Variants in RNF19A observed in about 807,000 individuals in gnomAD.
RNF19A encodes the protein E3 ubiquitin-protein ligase RNF19A.
RNF19A carries 32 observed loss-of-function variants against 75.7 expected under a neutral mutation model. The ratio of observed to expected loss-of-function variants is 0.42; its 90% CI spans 0.32 to 0.57. RNF19A has a LOEUF of 0.57. Among genes scored for constraint, RNF19A ranks in the 20% least tolerant of loss-of-function variants. RNF19A has a pLI of 0.10. For synonymous variants in RNF19A, 335 were observed against 345.2 expected, an observed-to-expected ratio of 0.97 and a Z score of 0.33; for missense variants, 782 against 1,036.3, an observed-to-expected ratio of 0.75 and a Z score of 3.37.
intron 1 of RNF19A, among the ~76,000 whole-genome samples, chr8:100,315,748 A>G (rs1197060192): frequency 6.6e-6 from 1 of 152,052 alleles, no homozygotes; most frequent in Non-Finnish European, 1.5e-5. Context: ...GACTCAAGCG[A>G]TCCTCCCACC....
At chr8:100,293,155 G>A (rs996801555) in intron 1 of RNF19A, among the ~76,000 whole-genome samples, 4 of 152,222 alleles carry the variant, frequency 2.6e-5, no homozygotes, top group East Asian at 1.9e-4. Flanking sequence ...CTCCTGCTGC[G>A]TGGCCCAGTT....
chr8:100,293,023 C>T lies in RNF19A; in HGVS notation c.-93-4756G>A, dbSNP rs182966854. On this transcript the variant is annotated intron_variant, in intron 1 of 9. Coordinates refer to ENST00000341084, the MANE Select transcript of RNF19A (RefSeq NM_183419.4). The stretch of plus-strand genomic sequence containing the variant: ...GGATGGTTTCATCAGGCATTATATT[C>T]TCATATGGAGTGTGCCATCTAGATC... 1.3e-3 allele frequency among the ~76,000 whole-genome samples: 202 copies of T among 152,278 alleles called. 1 individual carries two copies. The highest frequency in any genetic ancestry group is 4.6e-3 in the African/African-American group (191 of 41,570).
intron 2 of RNF19A, among the ~76,000 whole-genome samples, chr8:100,279,957 G>A (rs1226872370): frequency 2.6e-5 from 4 of 152,092 alleles, no homozygotes; most frequent in African/African-American, 9.7e-5. Context: ...ACCACTCCTG[G>A]CTTCATTTCT....
intron 1 of RNF19A, among the ~76,000 whole-genome samples, chr8:100,301,953 C>A (rs1821850699): frequency 6.6e-6 from 1 of 152,078 alleles, no homozygotes; most frequent in African/African-American, 2.4e-5. Flanking sequence ...GCATCCAAGG[C>A]ACAGAACAGC....
At position 100,287,041 on chromosome 8, in the gene RNF19A, G is replaced by C. The variant is rs1180682470; in HGVS notation, c.674+460C>G. ...ATCAACATGAACACATCATACTGTG[G>C]CACATGCTAAGGTAGGTACCTTTCA... is the stretch of plus-strand genomic sequence containing the variant. On this transcript the variant is annotated intron_variant, in intron 2 of 9. Transcript: ENST00000341084. The surrounding 1 kb of genome is among the most constrained non-coding windows in gnomAD (Gnocchi z 4.1). Among the ~76,000 whole-genome samples the C allele has an allele frequency of 1.3e-5, 2 of 152,000 alleles. No individual in the cohort carries two copies. Among genetic ancestry groups the C allele is most frequent in the Non-Finnish European group, 2.9e-5 (2 of 68,012 alleles).
chr8:100,291,616 G>C (rs1821299228), intron 1 of RNF19A, among the ~76,000 whole-genome samples: 1 of 152,174 alleles, frequency 6.6e-6, no homozygotes, highest in Non-Finnish European at 1.5e-5. Flanking sequence ...CATTAGAAAG[G>C]TATTCTGGAA....
intron 1 of RNF19A, among the ~76,000 whole-genome samples, chr8:100,308,331 G>T (rs1401193670): frequency 1.3e-5 from 2 of 152,074 alleles, no homozygotes; most frequent in Non-Finnish European, 2.9e-5. Context: ...TTTTAAAAGT[G>T]TTTTTTTAGC....
At chr8:100,308,167 A>C (rs548273187) in intron 1 of RNF19A, among the ~76,000 whole-genome samples, 3 of 152,212 alleles carry the variant, frequency 2.0e-5, no homozygotes, top group Non-Finnish European at 4.4e-5. Flanking sequence ...AAAAAAATAC[A>C]CTAACATTAG....
chr8:100,326,302 T>C (rs1318734636), intron 1 of RNF19A, among the ~76,000 whole-genome samples: 1 of 152,132 alleles, frequency 6.6e-6, no homozygotes, highest in Non-Finnish European at 1.5e-5. Context: ...CTAACCTCAG[T>C]TTAGCAACCT....
Position 100,258,957 on chromosome 8 carries a change from T to C in RNF19A, c.2116A>G (p.Ser706Gly), listed in dbSNP as rs151226712. The change falls in exon 10 of 10, where the codon AGT becomes GGT. Residue 706 changes from serine to glycine, a missense_variant. Ser to Gly is a moderately conservative substitution (Grantham distance 56). This residue lies in a region of RNF19A where 442 missense variants were observed against 541.6 expected (regional missense o/e 0.82). Transcript: ENST00000341084. This position sits in a 1 kb window ranked among gnomAD's most constrained non-coding sequence, Gnocchi z 4.3. The part of the protein sequence containing the change: ...QLLEQQSTNS[S>G]EFEAPSLSDS... ...CTGAGGGATGGAGCCTCAAATTCAC[T>C]TGAGTTCGTGCTTTGTTGTTCTAAC... is the stretch of plus-strand genomic sequence containing the variant. The C allele has an allele frequency of 1.5e-5, 25 of 1,614,248 alleles. No homozygotes were observed. In the East Asian group the frequency reaches 4.0e-4, roughly 26 times the overall value.
At chr8:100,290,644 A>G (rs2129981134) in intron 1 of RNF19A, among the ~76,000 whole-genome samples, 1 of 152,352 alleles carries the variant, frequency 6.6e-6, no homozygotes, top group Admixed American at 6.5e-5. Flanking sequence ...ACAGTCAGAG[A>G]GCTCAATCTA....
In RNF19A at chr8:100,259,167, C is replaced by T. The variant is rs770359833; in HGVS notation, c.1906G>A (p.Val636Met). The change falls in exon 10 of 10, where the codon GTG becomes ATG. Residue 636 changes from valine (V) to methionine (M), a missense_variant. Coordinates refer to ENST00000341084, the MANE Select transcript of RNF19A (RefSeq NM_183419.4). The surrounding 1 kb of genome is among the most constrained non-coding windows in gnomAD (Gnocchi z 4.5). ...KFRHNSGSSS[V>M]DDGSATRSHA... ...CTTCGGGTGGCACTGCCATCATCCA[C>T]ACTACTGCTTCCACTGTTGTGCCTG... 28 of 1,614,064 alleles carry T rather than the reference C, an allele frequency of 1.7e-5. No individual in the cohort carries two copies. The East Asian group carries it at 4.7e-4, about 27-fold the overall frequency.
chr8:100,279,790 G>A (rs1477356707), intron 2 of RNF19A, among the ~76,000 whole-genome samples: 1 of 151,980 alleles, frequency 6.6e-6, no homozygotes, highest in Non-Finnish European at 1.5e-5. Context: ...GCCTCCCAAA[G>A]TGCTGGAATT....
At chr8:100,267,783 T>C (rs937162725) in intron 5 of RNF19A, among the ~76,000 whole-genome samples, 6 of 151,990 alleles carry the variant, frequency 3.9e-5, no homozygotes, top group African/African-American at 1.4e-4. Context: ...TTCAAGTGAT[T>C]CTCCTGCTTC....
At chr8:100,310,216 C>T (rs1478216740), upstream of RNF19A, 2 of 985,146 alleles carry the variant, frequency 2.0e-6, no homozygotes, top group Admixed American at 1.2e-4. Flanking sequence ...GCGTCACGCC[C>T]ACCGGGCCCG....
chr8:100,264,615 C>G lies in RNF19A; in HGVS notation c.1306+56G>C. 6.0e-6 allele frequency: 7 copies of G among 1,171,068 alleles called. No homozygotes were observed. Among genetic ancestry groups the G allele is most frequent in the Non-Finnish European group, 8.7e-6 (7 of 805,232 alleles). The allele number at this position is 1,171,068 out of a possible 1,614,324, so 72.5% of individuals were successfully genotyped here. On this transcript the variant is annotated intron_variant, in intron 6 of 9. Coordinates refer to ENST00000341084, the MANE Select transcript of RNF19A (RefSeq NM_183419.4). The surrounding 1 kb of genome is among the most constrained non-coding windows in gnomAD (Gnocchi z 4.7). Reference sequence around the variant, plus strand: ...AAAACAATTAAAAAAAATCCTTCCACAAAACTTTAACTCCATAAAATTGTA... The same window carrying G: ...AAAACAATTAAAAAAAATCCTTCCAGAAAACTTTAACTCCATAAAATTGTA...
At chr8:100,316,323 C>T (rs919094110) in intron 1 of RNF19A, among the ~76,000 whole-genome samples, 2 of 152,100 alleles carry the variant, frequency 1.3e-5, no homozygotes, top group South Asian at 2.1e-4. Flanking sequence ...AGCGAAAGAA[C>T]GAAGCTTCCA....
At chr8:100,276,241 T>C (rs1418715973) in intron 2 of RNF19A, among the ~76,000 whole-genome samples, 1 of 152,190 alleles carries the variant, frequency 6.6e-6, no homozygotes, top group African/African-American at 2.4e-5. Flanking sequence ...CTATAGTGCA[T>C]ACACACTACC....
intron 5 of RNF19A, 186 bp downstream of exon 5, chr8:100,268,599 A>G: frequency 2.5e-6 from 1 of 398,146 alleles, no homozygotes; most frequent in Non-Finnish European, 4.4e-6. Flanking sequence ...CTTTATACGT[A>G]TTTATATATG....
Sources: gnomAD v4.1 joint callset for allele counts (sites outside exome capture counted in the v4.1 genomes callset) on GRCh38, gnomAD v4.1.1 for gene constraint, gnomAD v4.1.1 regional missense constraint, Gnocchi (gnomAD v3.1) non-coding constraint, MANE v1.5 for transcripts, NCBI Gene and HGNC (gene_info 2026-07-23, HGNC 2026-07-21) for gene names.